The following CENPH variants were observed in gnomAD, a reference collection of about 807,000 sequenced individuals.
The protein encoded by CENPH is centromere protein H, also known as CENP-H.
Under a neutral mutation model 42.9 loss-of-function variants are expected in CENPH, and 40 were observed. That is an observed-to-expected ratio of 0.93 (90% CI 0.72 to 1.21). The LOEUF is 1.21. Ranked by LOEUF, CENPH falls within the 50% of genes most tolerant of loss-of-function variation. CENPH has a pLI of 0.00. For missense variants in CENPH, 302 were observed against 292.9 expected (o/e 1.03, Z -0.23); for synonymous variants, 88 against 96.5 (o/e 0.91, Z 0.52).
Position 69,208,243 on chromosome 5 carries a change from A to G in CENPH, c.535A>G (p.Lys179Glu), listed in dbSNP as rs1442644470. The G allele has an allele frequency of 3.1e-6, 5 of 1,592,818 alleles. No homozygotes were observed. The African/African-American group carries it at 4.0e-5, about 13-fold the overall frequency. ...ESKLLEIQTE[K>E]NKQKIDLDSM... ...TAAGCTTTTAGAAATACAGACTGAAAAGAACAAACAGAAGATTGATTTGGA... is the reference window on the plus strand; with the variant it reads ...TAAGCTTTTAGAAATACAGACTGAAGAGAACAAACAGAAGATTGATTTGGA... Residue 179 changes from lysine (K) to glutamate (E), a missense_variant, in exon 8 of 9, where the codon AAG (lysine) becomes GAG (glutamate). Coordinates refer to ENST00000283006, the MANE Select transcript of CENPH (RefSeq NM_022909.4).
intron 5 of CENPH, among the ~76,000 whole-genome samples, chr5:69,199,928 C>CA (rs989073530): frequency 3.9e-5 from 6 of 151,906 alleles, no homozygotes; most frequent in African/African-American, 1.5e-4. Context: ...GCCTGGCCAA[C>CA]ATGGTAAAAC....
intron 7 of CENPH, among the ~76,000 whole-genome samples, chr5:69,205,030 G>A (rs1366167518): frequency 2.0e-5 from 3 of 146,592 alleles, no homozygotes; most frequent in Non-Finnish European, 4.5e-5. Flanking sequence ...GTGATTCTCC[G>A]GTCTCAGCCT....
Position 69,189,698 on chromosome 5 carries a change from G to T in CENPH, c.64G>T (p.Ala22Ser). The change falls in exon 1 of 9, where the codon GCA becomes TCA. Residue 22 changes from alanine to serine, a missense_variant. By Grantham distance (99) the Ala-to-Ser change is moderately conservative (BLOSUM62 1). Transcript: ENST00000283006. ...EPADSGGEGR[A>S]GGPPQVAGAQ... is the part of the protein sequence containing the mutation. ...CGCGGACTCCGGAGGGGAAGGCCGG[G>T]CAGGCGGGCCACCGCAGGTCGCCGG... 6.3e-7 allele frequency: 1 copy of T among 1,582,090 alleles called. No individual in the cohort carries two copies.
At chr5:69,189,892 A>G in intron 1 of CENPH, 124 bp downstream of exon 1, 1 of 1,096,476 alleles carries the variant, frequency 9.1e-7, no homozygotes, top group Non-Finnish European at 1.2e-6. Flanking sequence ...TGATTGCCTC[A>G]TTCACTTAAA....
intron 7 of CENPH, among the ~76,000 whole-genome samples, chr5:69,204,760 A>G (rs1308330871): frequency 1.3e-5 from 2 of 150,956 alleles, no homozygotes; most frequent in East Asian, 1.9e-4. Context: ...GCCAACCAGC[A>G]TGCCTGGCTA....
intron 8 of CENPH, 121 bp from the exon 9 acceptor site, chr5:69,209,586 C>G (rs1748214370): frequency 3.6e-6 from 2 of 555,238 alleles, no homozygotes; most frequent in East Asian, 3.0e-5. Context: ...TTCTTATGAT[C>G]ACAGAGCTAC....
chr5:69,198,027 T>C (rs1747994838), intron 5 of CENPH, among the ~76,000 whole-genome samples: 1 of 148,956 alleles, frequency 6.7e-6, no homozygotes, highest in Non-Finnish European at 1.5e-5. Flanking sequence ...TTCACGCCAT[T>C]CTCCTGCCTC....
rs578039952 is a variant in CENPH at position 69,209,933 on chromosome 5, GGTTA to G, written c.*139_*142del. The G allele has an allele frequency of 5.0e-5, 24 of 476,386 alleles. No homozygotes were observed. Among genetic ancestry groups the G allele is most frequent in the Non-Finnish European group, 8.1e-5 (22 of 271,068 alleles). The allele number at this position is 476,386 out of a possible 1,614,324, so 29.5% of individuals were successfully genotyped here. A position where few individuals can be genotyped will look rare whatever the true frequency, so the allele number is the denominator to read the frequency against. On this transcript the variant is annotated 3_prime_UTR_variant, in exon 9 of 9. Coordinates refer to ENST00000283006, the MANE Select transcript of CENPH (RefSeq NM_022909.4). ...ACGTTTACAGTTGTAGTACAGTTGT[GGTTA>G]GTTATTTGTAGTGGGATTGAAAGTA... is the stretch of plus-strand genomic sequence containing the variant.
chr5:69,204,611 T>TTTTTTTTG, intron 7 of CENPH, among the ~76,000 whole-genome samples: 1 of 131,602 alleles, frequency 7.6e-6, no homozygotes, highest in Non-Finnish European at 1.6e-5. Context: ...TTTTTTTTTT[T>TTTTTTTTG]TTTTTTTTTT....
At chr5:69,200,141 G>T (rs914891692) in intron 5 of CENPH, among the ~76,000 whole-genome samples, 2 of 150,892 alleles carry the variant, frequency 1.3e-5, no homozygotes, top group Non-Finnish European at 2.9e-5. Flanking sequence ...AAACAGAAAG[G>T]TCAAATAGGC....
intron 2 of CENPH, among the ~76,000 whole-genome samples, chr5:69,194,007 A>G (rs1414878874): frequency 6.6e-6 from 1 of 152,108 alleles, no homozygotes; most frequent in Non-Finnish European, 1.5e-5. Flanking sequence ...AATCAAGTAC[A>G]TATCAAATGC....
intron 7 of CENPH, among the ~76,000 whole-genome samples, chr5:69,207,579 G>A (rs937601126): frequency 1.3e-5 from 2 of 151,494 alleles, no homozygotes; most frequent in Non-Finnish European, 2.9e-5. Context: ...AGGCCGAGGC[G>A]GGTGGATCAC....
intron 7 of CENPH, among the ~76,000 whole-genome samples, chr5:69,204,981 C>T (rs767689813): frequency 2.1e-5 from 3 of 143,322 alleles, no homozygotes; most frequent in African/African-American, 5.2e-5. Flanking sequence ...TGCAGTGGTG[C>T]GATCTCAGCT....
In CENPH at chr5:69,194,776, TCTCA is replaced by T. The variant is rs1267113392; in HGVS notation, c.239+84_239+87del. 1.5e-5 allele frequency: 13 copies of T among 887,812 alleles called. No individual in the cohort carries two copies. The African/African-American group carries it at 1.7e-4, about 12-fold the overall frequency. 55.0% of individuals were successfully genotyped at this position (887,812 alleles called of 1,614,324 possible). A position where few individuals can be genotyped will look rare whatever the true frequency, so the allele number is the denominator to read the frequency against. On this transcript the variant is annotated intron_variant, in intron 3 of 8. Transcript: ENST00000283006. ...TCTATTATTTTGTTGTTAGATGGAG[TCTCA>T]CTATCATGCAGGCTAGAGTGCAGTG...
intron 8 of CENPH, among the ~76,000 whole-genome samples, chr5:69,209,212 TA>T (rs1184967665): frequency 6.6e-6 from 1 of 152,148 alleles, no homozygotes; most frequent in Non-Finnish European, 1.5e-5. Flanking sequence ...AAAGCCTTAC[TA>T]AAAGTGGAAA....
chr5:69,193,938 C>T (rs1747922242), intron 2 of CENPH, among the ~76,000 whole-genome samples: 1 of 152,014 alleles, frequency 6.6e-6, no homozygotes, highest in South Asian at 2.1e-4. Flanking sequence ...AGGCATGAGC[C>T]ATCACACCCC....
chr5:69,202,505 G>T lies in CENPH; in HGVS notation c.372-1G>T. ...AAATCATCTTTTTGTTTCCTTTTCA[G>T]TGTGCTCATGGATAACATGAAACAC... On this transcript the variant is annotated splice_acceptor_variant, in intron 5 of 8. Transcript: ENST00000283006. LOFTEE classifies it high-confidence loss of function. 1 of 1,519,868 alleles carries T rather than the reference G, an allele frequency of 6.6e-7. No homozygotes were observed. 94.1% of individuals were successfully genotyped at this position (1,519,868 alleles called of 1,614,324 possible).
At chr5:69,194,003 G>C (rs1013385929) in intron 2 of CENPH, among the ~76,000 whole-genome samples, 7 of 152,074 alleles carry the variant, frequency 4.6e-5, no homozygotes, top group Non-Finnish European at 1.0e-4. Flanking sequence ...TTAAAATCAA[G>C]TACATATCAA....
At chr5:69,204,869 G>A (rs1314824385) in intron 7 of CENPH, among the ~76,000 whole-genome samples, 2 of 147,218 alleles carry the variant, frequency 1.4e-5, no homozygotes, top group Non-Finnish European at 3.0e-5. Context: ...CTCCCAAAGT[G>A]TTGGGATTAC....
Sources: gnomAD v4.1 joint callset for allele counts (sites outside exome capture counted in the v4.1 genomes callset) on GRCh38, gnomAD v4.1.1 for gene constraint, MANE v1.5 for transcripts, NCBI Gene and HGNC (gene_info 2026-07-23, HGNC 2026-07-21) for gene names.